Variants in ZNF610 observed in about 807,000 individuals in gnomAD.
ZNF610 encodes zink finger protein.
A neutral mutation model predicts 14.1 loss-of-function variants in ZNF610; 14 were observed. The observed-to-expected ratio is 0.99, with a 90% confidence interval of 0.65 to 1.55. The LOEUF (loss-of-function observed/expected upper bound fraction) is 1.55. Among genes scored for constraint, ZNF610 ranks in the 40% most tolerant of loss-of-function variants. ZNF610 has a pLI of 0.00. For missense variants in ZNF610, 530 were observed against 558.0 expected, an observed-to-expected ratio of 0.95 and a Z score of 0.51; for synonymous variants, 185 against 187.6, an observed-to-expected ratio of 0.99 and a Z score of 0.11.
chr19:52,342,657 G>C (rs766012878), intron 1 of ZNF610, among the ~76,000 whole-genome samples: 3 of 151,654 alleles, frequency 2.0e-5, no homozygotes, highest in Admixed American at 1.3e-4. Flanking sequence ...GTAGTCCCGA[G>C]CTGGGACTAC....
At chr19:52,338,807 T>C (rs1395632535) in intron 1 of ZNF610, among the ~76,000 whole-genome samples, 1 of 152,144 alleles carries the variant, frequency 6.6e-6, no homozygotes, top group Non-Finnish European at 1.5e-5. Context: ...CCTCCACACC[T>C]GTGGGTGTTT....
intron 5 of ZNF610, among the ~76,000 whole-genome samples, chr19:52,359,828 C>T (rs539666778): frequency 6.6e-6 from 1 of 152,190 alleles, no homozygotes; most frequent in Non-Finnish European, 1.5e-5. Flanking sequence ...CGAGTCTGGG[C>T]CTCTAGAACT....
chr19:52,366,635 G>T lies in ZNF610; in HGVS notation c.1257G>T (p.Gln419His). The T allele has an allele frequency of 2.5e-6, 4 of 1,614,100 alleles. 1 individual carries two copies. In the South Asian group the frequency reaches 4.4e-5, roughly 18 times the overall value. Reference protein sequence around the residue: ...FGRKLYLTNHQRIHTGERPYK... With the variant: ...FGRKLYLTNHHRIHTGERPYK... Reference sequence around the variant, plus strand: ...GCAAATTATACCTAACCAACCATCAGAGAATTCATACTGGAGAGAGACCTT... The same window carrying T: ...GCAAATTATACCTAACCAACCATCATAGAATTCATACTGGAGAGAGACCTT... Residue 419 changes from glutamine (Q) to histidine (H), a missense_variant, in exon 6 of 6, where the codon CAG (glutamine) becomes CAT (histidine). By Grantham distance (24) the Gln-to-His change is conservative (BLOSUM62 0). Transcript: ENST00000403906.
chr19:52,332,851 C>T (rs906214234), upstream of ZNF610, among the ~76,000 whole-genome samples: 2 of 152,126 alleles, frequency 1.3e-5, no homozygotes, highest in South Asian at 2.1e-4. The surrounding 1 kb of genome is among the most constrained non-coding windows in gnomAD (Gnocchi z 4.1). Context: ...GAATGCTAGA[C>T]GTAGAACTCT....
intron 1 of ZNF610, among the ~76,000 whole-genome samples, chr19:52,337,272 CA>C (rs113679599): frequency 0.12 from 18,030 of 150,908 alleles, 2,204 homozygotes; most frequent in African/African-American, 0.31. Context: ...ACAAGGAGAG[CA>C]GAGGGAGAAC....
At chr19:52,331,045 C>T in the ZNF610 span, among the ~76,000 whole-genome samples, 12,890 of 152,154 alleles carry the variant, frequency 0.085, 587 homozygotes, top group Middle Eastern at 0.12. Context: ...CACATAACTC[C>T]CAACTCCACA....
intron 5 of ZNF610, among the ~76,000 whole-genome samples, chr19:52,354,689 G>A (rs932355729): frequency 6.8e-6 from 1 of 147,572 alleles, no homozygotes. Flanking sequence ...AGTGATTCTC[G>A]TGCCTCAGCC....
chr19:52,353,561 GT>G, intron 3 of ZNF610, 120 bp from the exon 4 acceptor site: 1 of 1,095,694 alleles, frequency 9.1e-7, no homozygotes, highest in Non-Finnish European at 1.3e-6. Context: ...TGGAATTGAA[GT>G]TTCTATGTTT....
intron 5 of ZNF610, among the ~76,000 whole-genome samples, chr19:52,360,488 A>T (rs983759575): frequency 6.6e-6 from 1 of 152,178 alleles, no homozygotes; most frequent in Non-Finnish European, 1.5e-5. Flanking sequence ...ATTTTTTCCT[A>T]ATTATGAAGG....
At chr19:52,365,666 G>A in intron 5 of ZNF610, 32 bp from the exon 6 acceptor site, 1 of 1,546,154 alleles carries the variant, frequency 6.5e-7, no homozygotes, top group Non-Finnish European at 8.7e-7. Context: ...CCAGAATCAT[G>A]GGTTCATGTT....
chr19:52,362,580 A>T (rs1985835051), intron 5 of ZNF610, among the ~76,000 whole-genome samples: 1 of 152,064 alleles, frequency 6.6e-6, no homozygotes, highest in African/African-American at 2.4e-5. Flanking sequence ...GTAAGCACAC[A>T]TTTTTGTTGC....
Position 52,365,952 on chromosome 19 carries a change from G to A in ZNF610, c.574G>A (p.Glu192Lys). ...TATTGATTTCCCATTACTCCCACAAGAAGAGAAAGCATACATTAGAGGAAA... is the reference window on the plus strand; with the variant it reads ...TATTGATTTCCCATTACTCCCACAAAAAGAGAAAGCATACATTAGAGGAAA... ...DLIDFPLLPQ[E>K]EKAYIRGKSY... Residue 192 changes from glutamate (E) to lysine (K), a missense_variant, in exon 6 of 6, where the codon GAA becomes AAA. Transcript: ENST00000403906. 1 of 1,613,792 alleles carries A rather than the reference G, an allele frequency of 6.2e-7. No individual in the cohort carries two copies. The highest frequency in any genetic ancestry group is 8.5e-7 in the Non-Finnish European group (1 of 1,179,962).
In ZNF610 at chr19:52,353,758, C is replaced by CT. The variant is rs1375885309; in HGVS notation, c.143dup (p.Leu48PhefsTer22). The CT allele has an allele frequency of 5.0e-6, 8 of 1,613,582 alleles. No individual in the cohort carries two copies. Among genetic ancestry groups the CT allele is most frequent in the Middle Eastern group, 1.6e-4 (1 of 6,078 alleles). ...AAATCCCTGGACCCTGGACAGAGGGCTTTATACAGGGACGTGATGTTGGAG... is the reference window on the plus strand; with the variant it reads ...AAATCCCTGGACCCTGGACAGAGGGCTTTTATACAGGGACGTGATGTTGGAG... On this transcript the variant is annotated frameshift_variant, in exon 4 of 6. Coordinates refer to ENST00000403906, the MANE Select transcript of ZNF610 (RefSeq NM_001161425.2). LOFTEE classifies it high-confidence loss of function.
chr19:52,354,199 T>C (rs936547006), intron 4 of ZNF610, 52 bp from the exon 5 acceptor site: 5 of 1,605,540 alleles, frequency 3.1e-6, no homozygotes, highest in Non-Finnish European at 4.3e-6. Context: ...AACACAGGGT[T>C]TGGGTTTTGG....
chr19:52,361,183 T>C (rs933690561), intron 5 of ZNF610, among the ~76,000 whole-genome samples: 3 of 151,498 alleles, frequency 2.0e-5, no homozygotes, highest in African/African-American at 7.3e-5. Flanking sequence ...CATTTTCTTT[T>C]TTTTTTTTTT....
upstream of ZNF610, among the ~76,000 whole-genome samples, chr19:52,336,054 A>C (rs993407725): frequency 2.6e-5 from 4 of 152,112 alleles, no homozygotes; most frequent in African/African-American, 9.7e-5. Flanking sequence ...AATAGCAGGA[A>C]ATTTCCTGGA....
At chr19:52,341,069 G>T (rs558265804) in intron 1 of ZNF610, among the ~76,000 whole-genome samples, 11 of 152,010 alleles carry the variant, frequency 7.2e-5, no homozygotes, top group African/African-American at 2.7e-4. Context: ...AAGCCTTTTC[G>T]TTCCATTTTT....
chr19:52,332,271 T>C (rs1984232902), upstream of ZNF610, among the ~76,000 whole-genome samples: 1 of 152,186 alleles, frequency 6.6e-6, no homozygotes, highest in South Asian at 2.1e-4. This position sits in a 1 kb window ranked among gnomAD's most constrained non-coding sequence, Gnocchi z 4.1. Context: ...AGACACTAAC[T>C]AACCTCCTGC....
upstream of ZNF610, among the ~76,000 whole-genome samples, chr19:52,332,449 C>T (rs1247395058): frequency 6.6e-6 from 1 of 152,158 alleles, no homozygotes; most frequent in African/African-American, 2.4e-5. The surrounding 1 kb of genome is among the most constrained non-coding windows in gnomAD (Gnocchi z 4.1). Context: ...TACTGTATTT[C>T]TGCCATTATC....
Sources: gnomAD v4.1 joint callset for allele counts (sites outside exome capture counted in the v4.1 genomes callset) on GRCh38, gnomAD v4.1.1 for gene constraint, Gnocchi (gnomAD v3.1) non-coding constraint, MANE v1.5 for transcripts, NCBI Gene and HGNC (gene_info 2026-07-23, HGNC 2026-07-21) for gene names.